FSCN1: variants seen among roughly 807,000 people sequenced by gnomAD.
FSCN1 encodes the protein fascin actin-bundling protein 1.
Under a neutral mutation model 39.7 loss-of-function variants are expected in FSCN1, and 10 were observed. The observed-to-expected ratio is 0.25, with a 90% CI of 0.16 to 0.43. The LOEUF (loss-of-function observed/expected upper bound fraction) is 0.43. FSCN1 is among the 20% of genes least tolerant of loss of function. The probability of loss-of-function intolerance (pLI) is 1.00; values close to 1 mark genes in which losing one functional copy is unlikely to be tolerated. For synonymous variants in FSCN1, 322 were observed against 320.0 expected (o/e 1.01, Z -0.07); for missense variants, 525 against 723.8 (o/e 0.73, Z 3.15).
chr7:5,594,088 TC>T (rs1329492301), intron 1 of FSCN1: 14 of 246,716 alleles, frequency 5.7e-5, no homozygotes, highest in African/African-American at 3.9e-4. Context: ...CGCGCGCTGA[TC>T]CCTCGGATCA....
intron 1 of FSCN1, among the ~76,000 whole-genome samples, chr7:5,602,574 C>T (rs201361853): frequency 1.4e-4 from 22 of 152,272 alleles, no homozygotes; most frequent in East Asian, 7.7e-4. Flanking sequence ...TCTAAAAAAA[C>T]GAGGCCATTT....
chr7:5,603,767 G>C lies in FSCN1; in HGVS notation c.1112-96G>C. On this transcript the variant is annotated intron_variant, in intron 3 of 4. Transcript: ENST00000382361. The surrounding 1 kb of genome is among the most constrained non-coding windows in gnomAD (Gnocchi z 8.5). The stretch of plus-strand genomic sequence containing the variant: ...GCACTGTCCTACCCTGGGGACTGCT[G>C]TGTGACCCCAGCTCCTGGCCCTCCC... The C allele has an allele frequency of 6.7e-7, 1 of 1,488,302 alleles. No individual in the cohort carries two copies. Among genetic ancestry groups the C allele is most frequent in the Non-Finnish European group, 9.2e-7 (1 of 1,083,200 alleles). The allele number at this position is 1,488,302 out of a possible 1,614,324, so 92.2% of individuals were successfully genotyped here. A position where few individuals can be genotyped will look rare whatever the true frequency, so the allele number is the denominator to read the frequency against.
intron 1 of FSCN1, among the ~76,000 whole-genome samples, chr7:5,600,106 T>C (rs1785798717): frequency 6.6e-6 from 1 of 152,100 alleles, no homozygotes; most frequent in Admixed American, 6.6e-5. Flanking sequence ...CAAAGCAATG[T>C]AGTTATAATG....
At chr7:5,602,221 T>TAAG (rs34756273) in intron 1 of FSCN1, among the ~76,000 whole-genome samples, 8,718 of 148,052 alleles carry the variant, frequency 0.059, 270 homozygotes, top group Admixed American at 0.077. Context: ...TTTTTTTTTT[T>TAAG]AAGTAGGGTC....
intron 1 of FSCN1, among the ~76,000 whole-genome samples, chr7:5,597,683 A>C (rs200292024): frequency 0.046 from 6,957 of 151,496 alleles, 194 homozygotes; most frequent in South Asian, 0.098. Context: ...ACAAAACAAA[A>C]CAAAAAAAAC....
At chr7:5,604,906 G>C (rs142456088) in intron 4 of FSCN1, among the ~76,000 whole-genome samples, 1 of 152,190 alleles carries the variant, frequency 6.6e-6, no homozygotes, top group East Asian at 1.9e-4. Context: ...CACAGTGCTG[G>C]GTTTATAGGT....
Position 5,593,750 on chromosome 7 carries a change from A to C in FSCN1, c.814A>C (p.Asn272His). ...CGTGCTGCAGGCGGCCAACGAGAGG[A>C]ACGTGTCCACGCGCCAGGGTGAGTG... ...QVVLQAANERNVSTRQGMDLS... is the reference protein window; with the variant it reads ...QVVLQAANERHVSTRQGMDLS... The change falls in exon 1 of 5, where the codon AAC (asparagine) becomes CAC (histidine). Residue 272 changes from asparagine (N) to histidine (H), a missense_variant. By Grantham distance (68) the Asn-to-His change is moderately conservative. Coordinates refer to ENST00000382361, the MANE Select transcript of FSCN1 (RefSeq NM_003088.4). The C allele has an allele frequency of 6.3e-7, 1 of 1,585,454 alleles. No homozygotes were observed. Among genetic ancestry groups the C allele is most frequent in the South Asian group, 1.1e-5 (1 of 88,664 alleles).
rs779952665 is a variant in FSCN1, at chr7:5,603,223, G to A, written c.833-34G>A. Reference sequence around the variant, plus strand: ...GTCTGCCAGAACTAGGGGGCGTGGGGCCCCAGTACCAGCCCAAGGCCTCCT... The same window carrying A: ...GTCTGCCAGAACTAGGGGGCGTGGGACCCCAGTACCAGCCCAAGGCCTCCT... On this transcript the variant is annotated intron_variant, in intron 1 of 4. Coordinates refer to ENST00000382361, the MANE Select transcript of FSCN1 (RefSeq NM_003088.4). This position sits in a 1 kb window ranked among gnomAD's most constrained non-coding sequence, Gnocchi z 8.5. 1.2e-6 allele frequency: 2 copies of A among 1,609,688 alleles called. No homozygotes were observed. Among genetic ancestry groups the A allele is most frequent in the East Asian group, 2.2e-5 (1 of 44,874 alleles).
chr7:5,596,222 C>CCGACACACATGCTGGGGAA (rs1393446360), intron 1 of FSCN1, among the ~76,000 whole-genome samples: 1 of 152,042 alleles, frequency 6.6e-6, no homozygotes. Flanking sequence ...GCGTCTGCTT[C>CCGACACACATGCTGGGGAA]CGACACACAT....
Position 5,592,901 on chromosome 7 carries a change from CCGGGGCCG to C in FSCN1, c.-33_-26del. 1 of 1,362,060 alleles carries C rather than the reference CCGGGGCCG, an allele frequency of 7.3e-7. No individual in the cohort carries two copies. The highest frequency in any genetic ancestry group is 9.8e-7 in the Non-Finnish European group (1 of 1,019,946). The allele number at this position is 1,362,060 out of a possible 1,614,324, so 84.4% of individuals were successfully genotyped here. A position where few individuals can be genotyped will look rare whatever the true frequency, so the allele number is the denominator to read the frequency against. ...GCCGCAGGGACCCGCCACCCACCTC[CCGGGGCCG>C]CGCAGCGGCCTCTCGTCTACTGCCA... On this transcript the variant is annotated 5_prime_UTR_variant, in exon 1 of 5. Transcript: ENST00000382361. This position sits in a 1 kb window ranked among gnomAD's most constrained non-coding sequence, Gnocchi z 5.3.
Position 5,599,828 on chromosome 7 carries a change from G to A in FSCN1, c.833-3429G>A, listed in dbSNP as rs1785794948. ...TCTCTAAAAAAAAAATGGAATTGAGGATGTGTCCTCTGGGTGTGGGCTCTA... is the reference window on the plus strand; with the variant it reads ...TCTCTAAAAAAAAAATGGAATTGAGAATGTGTCCTCTGGGTGTGGGCTCTA... On this transcript the variant is annotated intron_variant, in intron 1 of 4. Transcript: ENST00000382361. This position sits in a 1 kb window ranked among gnomAD's most constrained non-coding sequence, Gnocchi z 5.6. 6.6e-6 allele frequency among the ~76,000 whole-genome samples: 1 copy of A among 151,928 alleles called. No individual in the cohort carries two copies. The highest frequency in any genetic ancestry group is 2.1e-4 in the South Asian group (1 of 4,810).
Position 5,600,283 on chromosome 7 carries a change from G to A in FSCN1, c.833-2974G>A, listed in dbSNP as rs1483801741. ...AAAAAAATTAGCCGGGCATAGTGGC[G>A]GGTGCCTGTAATCCCAGCTACTCAG... On this transcript the variant is annotated intron_variant, in intron 1 of 4. Coordinates refer to ENST00000382361, the MANE Select transcript of FSCN1 (RefSeq NM_003088.4). Among the ~76,000 whole-genome samples the A allele has an allele frequency of 3.3e-5, 5 of 151,692 alleles. 1 individual carries two copies. The highest frequency in any genetic ancestry group is 4.2e-4 in the South Asian group (2 of 4,804).
Position 5,603,113 on chromosome 7 carries a change from C to T in FSCN1, c.833-144C>T. ...TTCCTGGGTGCTCTCTGCTGCTTCT[C>T]ATGTGTGCCACTGTGGGGACTCGGC... On this transcript the variant is annotated intron_variant, in intron 1 of 4. Transcript: ENST00000382361. The surrounding 1 kb of genome is among the most constrained non-coding windows in gnomAD (Gnocchi z 8.5). The T allele has an allele frequency of 3.6e-6, 3 of 843,292 alleles. No homozygotes were observed. Among genetic ancestry groups the T allele is most frequent in the South Asian group, 1.6e-5 (1 of 62,560 alleles). The allele number at this position is 843,292 out of a possible 1,614,324, so 52.2% of individuals were successfully genotyped here.
At position 5,597,398 on chromosome 7, in the gene FSCN1, G is replaced by A. The variant is rs561459638; in HGVS notation, c.832+3630G>A. Among the ~76,000 whole-genome samples, 14 of 151,500 alleles carry A rather than the reference G, an allele frequency of 9.2e-5. No individual in the cohort carries two copies. In the South Asian group the frequency reaches 2.9e-3, roughly 32 times the overall value. ...AAATTTTTTTTGGCCTGGTGCGGTGGCTCACGCCTGTAATGCCAGCACTTT... is the reference window on the plus strand; with the variant it reads ...AAATTTTTTTTGGCCTGGTGCGGTGACTCACGCCTGTAATGCCAGCACTTT... On this transcript the variant is annotated intron_variant, in intron 1 of 4. Coordinates refer to ENST00000382361, the MANE Select transcript of FSCN1 (RefSeq NM_003088.4).
rs1785880583 is a variant in FSCN1 at position 5,603,864 on chromosome 7, G to A, written c.1113G>A (p.Gly371=). 3 of 1,612,460 alleles carry A rather than the reference G, an allele frequency of 1.9e-6. No homozygotes were observed. The highest frequency in any genetic ancestry group is 1.1e-5 in the South Asian group (1 of 91,046). The change falls in exon 4 of 5, where the codon GGG becomes GGA. Residue 371 remains glycine, a splice_region_variant and synonymous_variant. Coordinates refer to ENST00000382361, the MANE Select transcript of FSCN1 (RefSeq NM_003088.4). This position sits in a 1 kb window ranked among gnomAD's most constrained non-coding sequence, Gnocchi z 8.5. ...CTGACTCCCCTCTTTCTGGGACAGG[G>A]GACTCAGAGCTCTTCCTCATGAAGC... The part of the protein sequence containing the change: ...GQLAASVETA[G]DSELFLMKLI...
At chr7:5,597,779 G>A (rs970450572) in intron 1 of FSCN1, among the ~76,000 whole-genome samples, 3 of 151,706 alleles carry the variant, frequency 2.0e-5, no homozygotes, top group African/African-American at 7.3e-5. Context: ...TGGCTCAAAG[G>A]CTGGAAACAG....
intron 1 of FSCN1, among the ~76,000 whole-genome samples, chr7:5,595,738 T>C (rs1250278459): frequency 2.0e-5 from 3 of 152,068 alleles, no homozygotes; most frequent in Non-Finnish European, 4.4e-5. Context: ...CCACGGGACC[T>C]TGGGTGAGAG....
At chr7:5,604,791 A>G (rs1300844427) in intron 4 of FSCN1, among the ~76,000 whole-genome samples, 3 of 152,122 alleles carry the variant, frequency 2.0e-5, no homozygotes, top group Non-Finnish European at 4.4e-5. Flanking sequence ...GGGAGCCACC[A>G]TGCCTGGCTA....
At position 5,603,301 on chromosome 7, in the gene FSCN1, A is replaced by G; in HGVS notation, c.877A>G (p.Thr293Ala). The G allele has an allele frequency of 1.2e-6, 2 of 1,613,010 alleles. No individual in the cohort carries two copies. Among genetic ancestry groups the G allele is most frequent in the Non-Finnish European group, 1.7e-6 (2 of 1,179,992 alleles). The change falls in exon 2 of 5, where the codon ACC (threonine) becomes GCC (alanine). Residue 293 changes from threonine to alanine, a missense_variant. Transcript: ENST00000382361. The surrounding 1 kb of genome is among the most constrained non-coding windows in gnomAD (Gnocchi z 8.5). The stretch of plus-strand genomic sequence containing the variant: ...TCAGGACGAGGAGACCGACCAGGAG[A>G]CCTTCCAGCTGGAGATCGACCGCGA... ...ANQDEETDQE[T>A]FQLEIDRDTK...
Sources: allele counts gnomAD v4.1 joint callset (sites outside exome capture counted in the v4.1 genomes callset), GRCh38; gene constraint gnomAD v4.1.1; non-coding constraint Gnocchi (gnomAD v3.1); transcripts MANE v1.5; gene names NCBI Gene and HGNC (gene_info 2026-07-23, HGNC 2026-07-21).